SHANK2: variants seen among roughly 807,000 people sequenced by gnomAD.
SHANK2 encodes SH3 and multiple ankyrin repeat domains protein 2.
A neutral mutation model predicts 133.7 loss-of-function variants in SHANK2; 43 were observed. The ratio of observed to expected loss-of-function variants is 0.32; its 90% CI spans 0.25 to 0.41. The LOEUF (loss-of-function observed/expected upper bound fraction) is 0.41. Ranked by LOEUF, SHANK2 falls within the 10% of genes least tolerant of loss-of-function variation. The pLI, the probability that SHANK2 is intolerant of heterozygous loss-of-function variation, is 1.00. For synonymous variants in SHANK2, 1,017 were observed against 952.8 expected, an observed-to-expected ratio of 1.07 and a Z score of -1.24; for missense variants, 1,994 against 2,235.8, an observed-to-expected ratio of 0.89 and a Z score of 2.18.
At chr11:70,857,193 C>T (rs922711225) in intron 11 of SHANK2, among the ~76,000 whole-genome samples, 3 of 152,166 alleles carry the variant, frequency 2.0e-5, no homozygotes, top group South Asian at 4.2e-4. Context: ...AGAGCCCAAT[C>T]GGGCCACAGG....
At position 70,500,913 on chromosome 11, in the gene SHANK2, C is replaced by G. The variant is rs932123688; in HGVS notation, c.2288-323G>C. Among the ~76,000 whole-genome samples the G allele has an allele frequency of 6.9e-6, 1 of 145,734 alleles. No individual in the cohort carries two copies. Among genetic ancestry groups the G allele is most frequent in the Non-Finnish European group, 1.5e-5 (1 of 68,002 alleles). ...CCAAAGTAGGGAGGAGTTCTCAGAG[C>G]AGACATGAGCAGAGGTGGCGGGGCC... On this transcript the variant is annotated intron_variant, in intron 20 of 25. Coordinates refer to ENST00000601538, the MANE Select transcript of SHANK2 (RefSeq NM_012309.5). The surrounding 1 kb of genome is among the most constrained non-coding windows in gnomAD (Gnocchi z 4.5).
At chr11:70,600,434 AAAAG>A (rs2060478616) in intron 17 of SHANK2, among the ~76,000 whole-genome samples, 1 of 149,498 alleles carries the variant, frequency 6.7e-6, no homozygotes, top group South Asian at 2.1e-4. Flanking sequence ...AAAAAAAAAA[AAAAG>A]AAAAGAAAAA....
At chr11:70,842,970 T>C (rs1407557659) in intron 11 of SHANK2, among the ~76,000 whole-genome samples, 1 of 152,060 alleles carries the variant, frequency 6.6e-6, no homozygotes, top group African/African-American at 2.4e-5. Context: ...CCTGACGCAG[T>C]GTCATACCCC....
At chr11:71,168,027 A>G (rs1162869198) in intron 2 of SHANK2, among the ~76,000 whole-genome samples, 1 of 140,898 alleles carries the variant, frequency 7.1e-6, no homozygotes, top group African/African-American at 2.8e-5. Flanking sequence ...CACTTCTCAG[A>G]CGGGGCGGCT....
chr11:70,579,994 C>T (rs2060163168), intron 17 of SHANK2, among the ~76,000 whole-genome samples: 2 of 152,204 alleles, frequency 1.3e-5, no homozygotes, highest in African/African-American at 4.8e-5. Context: ...CCAGCCCTGA[C>T]CACACCTTGA....
intron 17 of SHANK2, among the ~76,000 whole-genome samples, chr11:70,594,341 A>T (rs2060369223): frequency 6.6e-6 from 1 of 152,094 alleles, no homozygotes; most frequent in Admixed American, 6.6e-5. Context: ...CGGTCCCAGG[A>T]CCCCAGCACA....
intron 17 of SHANK2, among the ~76,000 whole-genome samples, chr11:70,509,584 C>A (rs1247350690): frequency 6.6e-6 from 1 of 152,144 alleles, no homozygotes; most frequent in Non-Finnish European, 1.5e-5. Flanking sequence ...CTCACCCTGT[C>A]TTTCAGCTCT....
At chr11:71,141,083 G>A (rs1306266329) in intron 3 of SHANK2, among the ~76,000 whole-genome samples, 3 of 152,216 alleles carry the variant, frequency 2.0e-5, no homozygotes, top group African/African-American at 7.2e-5. Context: ...ATGAGTAGGA[G>A]GGAGCAGTGG....
At chr11:70,709,168 A>G (rs1304909123) in intron 14 of SHANK2, among the ~76,000 whole-genome samples, 1 of 152,252 alleles carries the variant, frequency 6.6e-6, no homozygotes, top group East Asian at 1.9e-4. Context: ...CTGAGATCAC[A>G]TCACTGCACC....
intron 17 of SHANK2, among the ~76,000 whole-genome samples, chr11:70,602,193 T>C (rs1320055430): frequency 6.6e-6 from 1 of 152,138 alleles, no homozygotes; most frequent in Non-Finnish European, 1.5e-5. Context: ...GAGTAAAAGC[T>C]CCCTGAGCCC....
rs543854281 is a variant in SHANK2 at position 70,708,661 on chromosome 11, G to A, written c.1778-9898C>T. Among the ~76,000 whole-genome samples, 4 of 152,304 alleles carry A rather than the reference G, an allele frequency of 2.6e-5. No homozygotes were observed. The Middle Eastern group carries it at 0.01, about 389-fold the overall frequency. On this transcript the variant is annotated intron_variant, in intron 14 of 25. Transcript: ENST00000601538. ...CTTCAAATGACCACAGAGCACTTCC[G>A]GGTCAGGCAGCCTTGGATCGTCTGC...
intron 5 of SHANK2, among the ~76,000 whole-genome samples, chr11:71,112,886 A>T (rs1336714168): frequency 6.6e-6 from 1 of 152,206 alleles, no homozygotes; most frequent in Non-Finnish European, 1.5e-5. Flanking sequence ...GTCTAACTTC[A>T]GTGCAATTTA....
intron 2 of SHANK2, among the ~76,000 whole-genome samples, chr11:71,181,798 G>A (rs782315676): frequency 5.3e-5 from 8 of 152,152 alleles, no homozygotes; most frequent in Non-Finnish European, 1.0e-4. Flanking sequence ...CACCTGTGGA[G>A]CAATAAGATG....
chr11:70,753,202 A>C (rs1591814426), intron 14 of SHANK2, among the ~76,000 whole-genome samples: 1 of 152,082 alleles, frequency 6.6e-6, no homozygotes, highest in Non-Finnish European at 1.5e-5. Flanking sequence ...AACAAACAAA[A>C]AAAAACAAAA....
chr11:70,550,168 C>A (rs781952881), intron 17 of SHANK2, among the ~76,000 whole-genome samples: 4 of 152,208 alleles, frequency 2.6e-5, no homozygotes, highest in Non-Finnish European at 4.4e-5. Context: ...ATCAACCCAC[C>A]CCCTCTATGC....
At chr11:71,167,893 C>A (rs1223854297) in intron 2 of SHANK2, among the ~76,000 whole-genome samples, 20 of 148,780 alleles carry the variant, frequency 1.3e-4, no homozygotes, top group Non-Finnish European at 6.0e-5. Context: ...CCCCTCACCT[C>A]CCGGACAGGG....
chr11:70,904,528 A>T (rs1365913026), intron 10 of SHANK2, among the ~76,000 whole-genome samples: 7 of 112,242 alleles, frequency 6.2e-5, no homozygotes, highest in African/African-American at 2.9e-4. Flanking sequence ...TTTTTTTTTT[A>T]ATGGAGTCTA....
intron 11 of SHANK2, 83 bp from the exon 12 acceptor site, chr11:70,820,765 C>T (rs1555055768): frequency 1.7e-6 from 1 of 591,898 alleles, no homozygotes; most frequent in African/African-American, 1.9e-5. Flanking sequence ...AGGTGCAGGC[C>T]TGCGTGCGTC....
chr11:71,156,086 C>T (rs1270359594), intron 2 of SHANK2, among the ~76,000 whole-genome samples: 1 of 152,142 alleles, frequency 6.6e-6, no homozygotes, highest in Non-Finnish European at 1.5e-5. Context: ...CACGTGCACG[C>T]CAGGGAGCGA....
Sources: allele counts gnomAD v4.1 joint callset (sites outside exome capture counted in the v4.1 genomes callset), GRCh38; gene constraint gnomAD v4.1.1; non-coding constraint Gnocchi (gnomAD v3.1); transcripts MANE v1.5; gene names NCBI Gene and HGNC (gene_info 2026-07-23, HGNC 2026-07-21).